MAST4: variants seen among roughly 807,000 people sequenced by gnomAD.
MAST4 encodes the protein microtubule-associated serine/threonine-protein kinase 4.
Under a neutral mutation model 162.7 loss-of-function variants are expected in MAST4, and 89 were observed. The ratio of observed to expected loss-of-function variants is 0.55; its 90% CI spans 0.46 to 0.65. MAST4 has a LOEUF of 0.65. Among genes scored for constraint, MAST4 ranks in the 30% least tolerant of loss-of-function variants. The pLI is 0.00. For synonymous variants in MAST4, 1,479 were observed against 1,361.1 expected (o/e 1.09, Z -1.91); for missense variants, 3,153 against 3,374.0 (o/e 0.93, Z 1.62).
intron 7 of MAST4, among the ~76,000 whole-genome samples, chr5:67,097,292 G>A (rs1764574198): frequency 6.6e-6 from 1 of 152,064 alleles, no homozygotes; most frequent in African/African-American, 2.4e-5. Flanking sequence ...TATATGCCAG[G>A]TGCTTGTCTA....
At position 66,789,248 on chromosome 5, in the gene MAST4, G is replaced by A. The variant is rs574092914; in HGVS notation, c.642+454G>A. 7.2e-5 allele frequency among the ~76,000 whole-genome samples: 11 copies of A among 152,266 alleles called. No homozygotes were observed. In the South Asian group the frequency reaches 2.3e-3, roughly 32 times the overall value. On this transcript the variant is annotated intron_variant, in intron 3 of 28. Coordinates refer to ENST00000403625, the MANE Select transcript of MAST4 (RefSeq NM_001164664.2). ...ATGATTTTTTGAGGTATTTGAGAGT[G>A]CATCATCTATATATTATAGACCTTT...
intron 3 of MAST4, among the ~76,000 whole-genome samples, chr5:66,826,608 C>A (rs775818915): frequency 2.8e-4 from 43 of 152,058 alleles, no homozygotes; most frequent in Non-Finnish European, 5.0e-4. Context: ...CCCACCACCC[C>A]CCCCAATCCC....
chr5:66,861,894 A>T (rs1432163771), intron 3 of MAST4, among the ~76,000 whole-genome samples: 1 of 152,204 alleles, frequency 6.6e-6, no homozygotes, highest in Non-Finnish European at 1.5e-5. Context: ...TTAGGTGTTC[A>T]GTGTTGTAAT....
chr5:66,775,299 C>T (rs980431884), intron 2 of MAST4, among the ~76,000 whole-genome samples: 3 of 151,982 alleles, frequency 2.0e-5, no homozygotes, highest in Admixed American at 2.0e-4. Context: ...GACTACCTTC[C>T]CCCAACTCAG....
At chr5:66,834,890 A>G (rs1362425540) in intron 3 of MAST4, among the ~76,000 whole-genome samples, 4 of 152,098 alleles carry the variant, frequency 2.6e-5, no homozygotes, top group Non-Finnish European at 5.9e-5. Flanking sequence ...AGTAGTCTCA[A>G]TTTTAAATTG....
chr5:66,726,008 A>G (rs1002286338), intron 1 of MAST4, among the ~76,000 whole-genome samples: 2 of 152,082 alleles, frequency 1.3e-5, no homozygotes, highest in African/African-American at 4.8e-5. Context: ...ATAAGTTAAA[A>G]TCTTTATACG....
At chr5:67,011,464 G>C (rs1183889815) in intron 4 of MAST4, among the ~76,000 whole-genome samples, 1 of 152,210 alleles carries the variant, frequency 6.6e-6, no homozygotes, top group Non-Finnish European at 1.5e-5. Context: ...AAATCATGCA[G>C]GGCTTGCCCC....
chr5:66,772,637 AAAGC>A (rs1246365809), intron 2 of MAST4, among the ~76,000 whole-genome samples: 5 of 152,300 alleles, frequency 3.3e-5, no homozygotes, highest in African/African-American at 1.2e-4. Context: ...GAATTTAAAG[AAAGC>A]AAGTGACTTG....
intron 5 of MAST4, among the ~76,000 whole-genome samples, chr5:67,077,650 T>C (rs1004730018): frequency 3.8e-4 from 58 of 152,366 alleles, no homozygotes; most frequent in Non-Finnish European, 2.1e-4. Context: ...TGTGTCTTGC[T>C]TAAATCACTG....
At position 67,144,686 on chromosome 5, in the gene MAST4, T is replaced by C. The variant is rs375186613; in HGVS notation, c.2748T>C (p.Asp916=). 9.9e-6 allele frequency: 16 copies of C among 1,613,894 alleles called. No homozygotes were observed. In the African/African-American group the frequency reaches 2.0e-4, roughly 20 times the overall value. Residue 916 remains aspartate (D), a synonymous_variant, in exon 22 of 29, where the codon GAT becomes GAC. Coordinates refer to ENST00000403625, the MANE Select transcript of MAST4 (RefSeq NM_001164664.2). ...HRFSKVFSSI[D]RITQNSAEEK... The stretch of plus-strand genomic sequence containing the variant: ...CCTTCCAGGTTTTCAGCAGTATAGA[T>C]CGAATCACTCAGAATTCAGCAGAAG...
At chr5:66,701,641 G>A (rs1280669625) in intron 1 of MAST4, among the ~76,000 whole-genome samples, 4 of 152,070 alleles carry the variant, frequency 2.6e-5, no homozygotes, top group Non-Finnish European at 5.9e-5. Flanking sequence ...TCTGAACTTG[G>A]TTTTCTGTAA....
intron 1 of MAST4, among the ~76,000 whole-genome samples, chr5:66,717,420 T>C (rs1238691572): frequency 6.6e-6 from 1 of 152,246 alleles, no homozygotes; most frequent in Non-Finnish European, 1.5e-5. Context: ...CCTATATTCA[T>C]AAAGAAAGGC....
chr5:67,077,182 G>T (rs1761756506), intron 5 of MAST4, among the ~76,000 whole-genome samples: 1 of 151,602 alleles, frequency 6.6e-6, no homozygotes, highest in Admixed American at 6.6e-5. Flanking sequence ...AACTTAAACT[G>T]TAAAATTCAC....
chr5:66,640,681 T>C (rs1027554902), intron 1 of MAST4, among the ~76,000 whole-genome samples: 5 of 152,242 alleles, frequency 3.3e-5, no homozygotes, highest in Non-Finnish European at 7.3e-5. Context: ...TGAATAATAC[T>C]GCCACGAACG....
At chr5:67,151,219 G>A (rs1036895105) in intron 24 of MAST4, among the ~76,000 whole-genome samples, 1 of 152,202 alleles carries the variant, frequency 6.6e-6, no homozygotes, top group African/African-American at 2.4e-5. Flanking sequence ...TTTAGACTGG[G>A]TAAGGTATAA....
At chr5:66,752,367 C>A (rs258272) in intron 1 of MAST4, among the ~76,000 whole-genome samples, 123,270 of 148,084 alleles carry the variant, frequency 0.83, 51,797 homozygotes, top group African/African-American at 0.86. Context: ...ATAAAGAGTC[C>A]AGACCCATCA....
At chr5:67,073,056 G>A (rs1459077621) in intron 5 of MAST4, among the ~76,000 whole-genome samples, 1 of 152,140 alleles carries the variant, frequency 6.6e-6, no homozygotes, top group Admixed American at 6.6e-5. Context: ...TGCAAACACT[G>A]AATGCACTCT....
intron 1 of MAST4, among the ~76,000 whole-genome samples, chr5:66,645,343 T>C (rs925618137): frequency 6.6e-6 from 1 of 152,192 alleles, no homozygotes; most frequent in African/African-American, 2.4e-5. Flanking sequence ...ATCTAAAACG[T>C]GGCATTATAA....
intron 3 of MAST4, among the ~76,000 whole-genome samples, chr5:66,842,541 G>A (rs2149790552): frequency 6.6e-6 from 1 of 152,102 alleles, no homozygotes; most frequent in Middle Eastern, 3.4e-3. Flanking sequence ...GTAGCTCCTG[G>A]TATTGTATGC....
Sources: allele counts gnomAD v4.1 joint callset (sites outside exome capture counted in the v4.1 genomes callset), GRCh38; gene constraint gnomAD v4.1.1; transcripts MANE v1.5; gene names NCBI Gene and HGNC (gene_info 2026-07-23, HGNC 2026-07-21).